Variants in HTT observed in about 807,000 individuals in gnomAD.
The protein encoded by HTT is huntingtin, also known as huntington disease protein.
Under a neutral mutation model 362.3 loss-of-function variants are expected in HTT, and 104 were observed. The ratio of observed to expected loss-of-function variants is 0.29; its 90% CI spans 0.24 to 0.34. HTT has a LOEUF of 0.34. Among genes scored for constraint, HTT ranks in the 10% least tolerant of loss-of-function variants. The probability of loss-of-function intolerance (pLI) is 1.00; values close to 1 mark genes in which losing one functional copy is unlikely to be tolerated. For synonymous variants in HTT, 1,577 were observed against 1,548.7 expected (o/e 1.02, Z -0.43); for missense variants, 3,301 against 3,928.6 (o/e 0.84, Z 4.27).
chr4:3,188,844 A>G, intron 39 of HTT, 107 bp from the exon 40 acceptor site: 1 of 1,086,092 alleles, frequency 9.2e-7, no homozygotes, highest in Non-Finnish European at 1.3e-6. Context: ...AATGTACTCT[A>G]CCTATATTTT....
At chr4:3,230,761 C>T (rs1721212484) in intron 60 of HTT, among the ~76,000 whole-genome samples, 1 of 152,090 alleles carries the variant, frequency 6.6e-6, no homozygotes, top group Non-Finnish European at 1.5e-5. Flanking sequence ...GAACAAGCTC[C>T]CTCAGGCCTT....
At chr4:3,223,278 C>A in intron 54 of HTT, 128 bp from the exon 55 acceptor site, 1 of 904,486 alleles carries the variant, frequency 1.1e-6, no homozygotes, top group Non-Finnish European at 1.6e-6. Flanking sequence ...CTCAGCCTGA[C>A]AGAAATCCTT....
chr4:3,114,857 T>G (rs1173827498), intron 6 of HTT, among the ~76,000 whole-genome samples: 1 of 152,220 alleles, frequency 6.6e-6, no homozygotes, highest in African/African-American at 2.4e-5. Flanking sequence ...AAATTGCAGA[T>G]ATTTCCGATC....
intron 38 of HTT, 101 bp downstream of exon 38, chr4:3,186,820 G>C: frequency 9.5e-7 from 1 of 1,049,696 alleles, no homozygotes; most frequent in Non-Finnish European, 1.4e-6. Flanking sequence ...AGTTTGGGTA[G>C]GGCTTCTTGA....
intron 26 of HTT, among the ~76,000 whole-genome samples, chr4:3,149,757 G>C (rs558605534): frequency 2.6e-5 from 4 of 152,274 alleles, no homozygotes; most frequent in African/African-American, 9.6e-5. Flanking sequence ...GAGAGTCCCA[G>C]CCTCAGCCCA....
intron 26 of HTT, among the ~76,000 whole-genome samples, chr4:3,153,948 T>C (rs905477040): frequency 6.6e-6 from 1 of 152,142 alleles, no homozygotes; most frequent in Non-Finnish European, 1.5e-5. Flanking sequence ...TTTGTACCCC[T>C]TTCATGTCAT....
chr4:3,154,239 C>A, intron 26 of HTT, 54 bp from the exon 27 acceptor site: 1 of 1,371,450 alleles, frequency 7.3e-7, no homozygotes, highest in Non-Finnish European at 1.0e-6. Context: ...TTTTGTTATA[C>A]TTCCATCACA....
chr4:3,178,263 A>G, intron 34 of HTT, 35 bp from the exon 35 acceptor site: 2 of 1,495,732 alleles, frequency 1.3e-6, no homozygotes, highest in East Asian at 2.3e-5. Context: ...TCTTAATTTT[A>G]AAAGAAAGGT....
In HTT at chr4:3,241,485, G is replaced by A. The variant is rs890935860; in HGVS notation, c.*1426G>A. 6.6e-6 allele frequency: 1 copy of A among 152,350 alleles called. No individual in the cohort carries two copies. Among genetic ancestry groups the A allele is most frequent in the African/African-American group, 2.4e-5 (1 of 41,448 alleles). The allele number at this position is 152,350 out of a possible 1,614,324, so 9.4% of individuals were successfully genotyped here. ...TGTAGGAGCTGGATTTGGGAGCTCT[G>A]CTTGCCGACTGGCTGTGAGACGAGG... On this transcript the variant is annotated 3_prime_UTR_variant, in exon 67 of 67. Coordinates refer to ENST00000355072, the MANE Select transcript of HTT (RefSeq NM_001388492.1).
intron 42 of HTT, among the ~76,000 whole-genome samples, chr4:3,204,970 G>A (rs1028020391): frequency 2.6e-5 from 4 of 152,142 alleles, no homozygotes; most frequent in African/African-American, 7.2e-5. Flanking sequence ...GTGACAAGGC[G>A]AGACCCCTGC....
intron 6 of HTT, among the ~76,000 whole-genome samples, chr4:3,113,311 C>G (rs970335887): frequency 6.6e-6 from 1 of 152,024 alleles, no homozygotes; most frequent in Non-Finnish European, 1.5e-5. Context: ...TTGTGCTTGT[C>G]TATTTGGACT....
At chr4:3,131,596 T>C (rs1199411405) in intron 15 of HTT, 42 bp from the exon 16 acceptor site, 3 of 1,605,708 alleles carry the variant, frequency 1.9e-6, no homozygotes, top group Non-Finnish European at 2.6e-6. Context: ...GAAAACAATC[T>C]GTTGTTTGAG....
intron 45 of HTT, among the ~76,000 whole-genome samples, chr4:3,208,146 CA>C (rs1719961175): frequency 6.6e-6 from 1 of 152,092 alleles, no homozygotes; most frequent in South Asian, 2.1e-4. Flanking sequence ...TGGGATTGGG[CA>C]CAATTAGGTG....
intron 2 of HTT, among the ~76,000 whole-genome samples, chr4:3,090,093 C>T (rs935285396): frequency 6.6e-6 from 1 of 152,130 alleles, no homozygotes; most frequent in Non-Finnish European, 1.5e-5. Context: ...GTTAACTCTC[C>T]TAAAATATAA....
Position 3,238,940 on chromosome 4 carries a change from C to T in HTT, c.9177C>T (p.Phe3059=), listed in dbSNP as rs2229987. The part of the protein sequence containing the change: ...VAMATWSLSC[F]FVSASTSPWV... The stretch of plus-strand genomic sequence containing the variant: ...TGGCCACGTGGAGCCTCTCCTGCTT[C>T]TTTGTCAGCGCGTCCACCAGCCCGT... The change falls in exon 66 of 67, where the codon TTC becomes TTT. Residue 3059 remains phenylalanine (F), a synonymous_variant. Transcript: ENST00000355072. 6.2e-3 allele frequency: 10,046 copies of T among 1,610,128 alleles called. 49 individuals are homozygous for T. Among genetic ancestry groups the T allele is most frequent in the African/African-American group, 0.012 (929 of 75,038 alleles).
Position 3,238,540 on chromosome 4 carries a change from CAA to C in HTT, c.8987_8988del (p.Lys2996SerfsTer22). 2 of 1,613,568 alleles carry C rather than the reference CAA, an allele frequency of 1.2e-6. No homozygotes were observed. The highest frequency in any genetic ancestry group is 1.7e-6 in the Non-Finnish European group (2 of 1,179,732). ...DFFPPQDIMN[K>X]VIGEFLSNQQ... ...TCTTCCCACCCCAGGACATCATGAA[CAA>C]AGTCATCGGAGAGTTTCTGTCCAAC... On this transcript the variant is annotated frameshift_variant, in exon 65 of 67. Coordinates refer to ENST00000355072, the MANE Select transcript of HTT (RefSeq NM_001388492.1). LOFTEE classifies it high-confidence loss of function.
chr4:3,199,656 T>A, intron 40 of HTT, 76 bp from the exon 41 acceptor site: 1 of 1,310,188 alleles, frequency 7.6e-7, no homozygotes, highest in Non-Finnish European at 1.1e-6. Flanking sequence ...TTCATTTTTA[T>A]GTAAAATCTT....
Position 3,075,073 on chromosome 4 carries a change from A to T in HTT, c.248A>T (p.Glu83Val). The T allele has an allele frequency of 8.0e-7, 1 of 1,246,952 alleles. No homozygotes were observed. 77.2% of individuals were successfully genotyped at this position (1,246,952 alleles called of 1,614,324 possible). ...PPPPGPAVAE[E>V]PLHRPKKELS... ...CCACCCGGCCCGGCTGTGGCTGAGGAGCCGCTGCACCGACCGTGAGTTTGG... is the reference window on the plus strand; with the variant it reads ...CCACCCGGCCCGGCTGTGGCTGAGGTGCCGCTGCACCGACCGTGAGTTTGG... Residue 83 changes from glutamate (E) to valine (V), a missense_variant, in exon 1 of 67, where the codon GAG (glutamate) becomes GTG (valine). Transcript: ENST00000355072.
chr4:3,227,199 C>T (rs1014780792), intron 57 of HTT, among the ~76,000 whole-genome samples: 4 of 152,230 alleles, frequency 2.6e-5, no homozygotes, highest in Admixed American at 6.5e-5. Context: ...CATACTGGGG[C>T]TGAAGTACGG....
Sources: gnomAD v4.1 joint callset for allele counts (sites outside exome capture counted in the v4.1 genomes callset) on GRCh38, gnomAD v4.1.1 for gene constraint, MANE v1.5 for transcripts, NCBI Gene and HGNC (gene_info 2026-07-23, HGNC 2026-07-21) for gene names.